Variants in NKIRAS1 observed in about 807,000 individuals in gnomAD.
NKIRAS1 encodes the protein NFKB inhibitor interacting Ras like 1, also known as NF-kappa-B inhibitor-interacting Ras-like protein 1.
Under a neutral mutation model 19.8 loss-of-function variants are expected in NKIRAS1, and 16 were observed. That is an observed-to-expected ratio of 0.81 (90% CI 0.55 to 1.23). The LOEUF is 1.23. Ranked by LOEUF, NKIRAS1 falls within the 50% of genes most tolerant of loss-of-function variation. The probability of loss-of-function intolerance (pLI) is 0.00; values close to 1 mark genes in which losing one functional copy is unlikely to be tolerated. For missense variants in NKIRAS1, 184 were observed against 220.0 expected, an observed-to-expected ratio of 0.84 and a Z score of 1.04; for synonymous variants, 88 against 79.0, an observed-to-expected ratio of 1.11 and a Z score of -0.61.
At chr3:23,913,350 T>A (rs1449589617) in intron 1 of NKIRAS1, among the ~76,000 whole-genome samples, 1 of 152,118 alleles carries the variant, frequency 6.6e-6, no homozygotes, top group Non-Finnish European at 1.5e-5. Context: ...ACAGACCTCA[T>A]TAAATATTTT....
chr3:23,944,885 G>A (rs1212496582), intron 1 of NKIRAS1, among the ~76,000 whole-genome samples: 1 of 152,036 alleles, frequency 6.6e-6, no homozygotes, highest in Non-Finnish European at 1.5e-5. Flanking sequence ...GAACCAGCCG[G>A]CCCAGCCGGG....
At chr3:23,932,087 A>G (rs1049010909) in intron 1 of NKIRAS1, among the ~76,000 whole-genome samples, 1 of 152,100 alleles carries the variant, frequency 6.6e-6, no homozygotes, top group African/African-American at 2.4e-5. Context: ...TCTCTTTCCA[A>G]TGAGATGTAT....
chr3:23,906,212 G>A (rs1407724255), intron 3 of NKIRAS1, among the ~76,000 whole-genome samples: 4 of 149,448 alleles, frequency 2.7e-5, no homozygotes, highest in African/African-American at 7.4e-5. Flanking sequence ...GTTCCATGAT[G>A]ATGGTGGCAC....
upstream of NKIRAS1, chr3:23,918,252 CAG>C (rs1456990088): frequency 1.1e-5 from 10 of 895,602 alleles, no homozygotes; most frequent in Admixed American, 1.2e-4. Flanking sequence ...GCAAAATAAA[CAG>C]TGTGCCTCCC....
rs545029490 is a variant in NKIRAS1 at position 23,935,818 on chromosome 3, G to A, written c.-140+10505C>T. Among the ~76,000 whole-genome samples the A allele has an allele frequency of 1.6e-3, 246 of 152,084 alleles. 1 individual carries two copies. The highest frequency in any genetic ancestry group is 5.9e-3 in the African/African-American group (244 of 41,490). On this transcript the variant is annotated intron_variant, in intron 1 of 4. Transcript: ENST00000421515. Reference sequence around the variant, plus strand: ...ATGGTCAGGCACAGTGGCTCATCACGCCTGTAATCCCAGCACTTTGGGAGG... The same window carrying A: ...ATGGTCAGGCACAGTGGCTCATCACACCTGTAATCCCAGCACTTTGGGAGG...
At position 23,901,053 on chromosome 3, in the gene NKIRAS1, G is replaced by C; in HGVS notation, c.95-4C>G. 1 of 1,611,260 alleles carries C rather than the reference G, an allele frequency of 6.2e-7. No homozygotes were observed. The highest frequency in any genetic ancestry group is 8.5e-7 in the Non-Finnish European group (1 of 1,177,994). On this transcript the variant is annotated splice_polypyrimidine_tract_variant and splice_region_variant and intron_variant, in intron 3 of 4. Transcript: ENST00000425478. ...ATTGTTTCGCAATCTTCCATTCCTG[G>C]GATTAAGAAAACAAATTACTCTTTT...
At chr3:23,894,227 A>T (rs1701750930) in intron 4 of NKIRAS1, among the ~76,000 whole-genome samples, 1 of 152,194 alleles carries the variant, frequency 6.6e-6, no homozygotes, top group African/African-American at 2.4e-5. Context: ...CCCAAACCAG[A>T]TTTTCAGATA....
intron 3 of NKIRAS1, among the ~76,000 whole-genome samples, chr3:23,901,726 T>C (rs367873487): frequency 6.6e-6 from 1 of 152,132 alleles, no homozygotes. Flanking sequence ...TAATAAGTAG[T>C]GGAGAGACAT....
intron 3 of NKIRAS1, among the ~76,000 whole-genome samples, chr3:23,910,303 C>G (rs76551828): frequency 6.6e-6 from 1 of 151,786 alleles, no homozygotes; most frequent in Admixed American, 6.6e-5. Context: ...ATTACAGCCA[C>G]CTGCTACTAT....
chr3:23,925,662 G>A (rs1290203659), intron 1 of NKIRAS1, among the ~76,000 whole-genome samples: 10 of 137,710 alleles, frequency 7.3e-5, no homozygotes, highest in Non-Finnish European at 3.1e-5. Context: ...ATAAATAAAT[G>A]TACTTTTACT....
upstream of NKIRAS1, among the ~76,000 whole-genome samples, chr3:23,921,131 AAAC>A (rs1336830967): frequency 6.6e-6 from 1 of 152,164 alleles, no homozygotes; most frequent in Non-Finnish European, 1.5e-5. Flanking sequence ...TGAGACCTAA[AAAC>A]AAAAAAAATC....
At chr3:23,934,844 A>G (rs1705367001) in intron 1 of NKIRAS1, among the ~76,000 whole-genome samples, 1 of 138,938 alleles carries the variant, frequency 7.2e-6, no homozygotes, top group African/African-American at 2.8e-5. Flanking sequence ...AAAAAAAAAA[A>G]CTTACAGAGA....
chr3:23,912,863 A>T (rs1484369535), intron 1 of NKIRAS1, among the ~76,000 whole-genome samples: 2 of 152,070 alleles, frequency 1.3e-5, no homozygotes, highest in Admixed American at 6.6e-5. Context: ...TCATGCCTGT[A>T]ATCCCAGCAC....
At chr3:23,910,048 G>A (rs1703521554) in intron 3 of NKIRAS1, among the ~76,000 whole-genome samples, 2 of 151,786 alleles carry the variant, frequency 1.3e-5, no homozygotes, top group South Asian at 4.2e-4. Flanking sequence ...TAGTAGAGAC[G>A]GGGTTTCACC....
rs1339189188 is a variant in NKIRAS1, at chr3:23,891,881, T to G, written c.*1214A>C. 6.6e-6 allele frequency: 1 copy of G among 152,156 alleles called. No individual in the cohort carries two copies. The highest frequency in any genetic ancestry group is 1.5e-5 in the Non-Finnish European group (1 of 68,014). The allele number at this position is 152,156 out of a possible 1,614,324, so 9.4% of individuals were successfully genotyped here. On this transcript the variant is annotated 3_prime_UTR_variant, in exon 5 of 5. Transcript: ENST00000425478. ...CATGGGTGGGAAGCTAGATTAATAT[T>G]CAATAACCGGGGGAAAAGGGTAAGG...
chr3:23,926,936 T>C lies in NKIRAS1; in HGVS notation c.-139-15486A>G, dbSNP rs9874515. ...CCTGAAATACCAATAGGGGGTGACA[T>C]GCACCAACAAGCTACACTTTGACCA... On this transcript the variant is annotated intron_variant, in intron 1 of 4. Transcript: ENST00000421515. The surrounding 1 kb of genome is among the most constrained non-coding windows in gnomAD (Gnocchi z 4.3). Among the ~76,000 whole-genome samples the C allele has an allele frequency of 1.8e-3, 272 of 152,276 alleles. No individual in the cohort carries two copies. The highest frequency in any genetic ancestry group is 6.2e-3 in the African/African-American group (257 of 41,558).
chr3:23,928,974 G>T (rs1406455146), intron 1 of NKIRAS1, among the ~76,000 whole-genome samples: 2 of 150,368 alleles, frequency 1.3e-5, no homozygotes, highest in African/African-American at 2.4e-5. Flanking sequence ...TCCAGCCTGG[G>T]CGACAGAGCG....
At chr3:23,899,656 G>A (rs1398928706) in intron 4 of NKIRAS1, among the ~76,000 whole-genome samples, 1 of 152,214 alleles carries the variant, frequency 6.6e-6, no homozygotes, top group Non-Finnish European at 1.5e-5. Flanking sequence ...ACAGAAAGTA[G>A]ACTGGTGTCA....
At chr3:23,896,050 G>A (rs1160884221) in intron 4 of NKIRAS1, among the ~76,000 whole-genome samples, 1 of 147,744 alleles carries the variant, frequency 6.8e-6, no homozygotes, top group Non-Finnish European at 1.5e-5. Context: ...CAGGAGAATG[G>A]CATGAACCCG....
Sources: gnomAD v4.1 joint callset for allele counts (sites outside exome capture counted in the v4.1 genomes callset) on GRCh38, gnomAD v4.1.1 for gene constraint, Gnocchi (gnomAD v3.1) non-coding constraint, MANE v1.5 for transcripts, NCBI Gene and HGNC (gene_info 2026-07-23, HGNC 2026-07-21) for gene names.